NCKAP5L: variants seen among roughly 807,000 people sequenced by gnomAD.
The protein encoded by NCKAP5L is NCK associated protein 5 like.
Under a neutral mutation model 103.2 loss-of-function variants are expected in NCKAP5L, and 54 were observed. That is an observed-to-expected ratio of 0.52 (90% confidence interval 0.42 to 0.66). NCKAP5L has a LOEUF of 0.66. Ranked by LOEUF, NCKAP5L falls within the 30% of genes least tolerant of loss-of-function variation. The pLI, the probability that NCKAP5L is intolerant of heterozygous loss-of-function variation, is 0.00. For synonymous variants in NCKAP5L, 762 were observed against 748.6 expected (o/e 1.02, Z -0.29); for missense variants, 1,733 against 1,750.6 (o/e 0.99, Z 0.18).
intron 1 of NCKAP5L, among the ~76,000 whole-genome samples, chr12:49,807,945 C>T (rs1946198852): frequency 6.6e-6 from 1 of 152,192 alleles, no homozygotes; most frequent in Admixed American, 6.5e-5. Flanking sequence ...AAAAGGATAA[C>T]GCTAAGGACC....
At position 49,795,159 on chromosome 12, in the gene NCKAP5L, G is replaced by A; in HGVS notation, c.2701C>T (p.Gln901Ter). ...ACCTCGGCGCCAGGGGCTCGCTCCT[G>A]GCCCTGGAGCCGCAGCACGTTCTCC... Reference protein sequence around the residue: ...IEENVLRLQGQERAPGAEVKH... With the variant: ...IEENVLRLQG Residue 901 changes from glutamine to a stop codon, truncating the protein, a stop_gained, in exon 8 of 13, where the codon CAG becomes TAG. Transcript: ENST00000335999. LOFTEE classifies it high-confidence loss of function. 1.2e-6 allele frequency: 2 copies of A among 1,607,764 alleles called. No homozygotes were observed.
Position 49,794,793 on chromosome 12 carries a change from C to G in NCKAP5L, c.3067G>C (p.Asp1023His). The change falls in exon 8 of 13, where the codon GAC (aspartate) becomes CAC (histidine). Residue 1023 changes from aspartate to histidine, a missense_variant. By Grantham distance (81) the Asp-to-His change is moderately conservative. Coordinates refer to ENST00000335999, the MANE Select transcript of NCKAP5L (RefSeq NM_001037806.4). ...TTTAGCAGCTGCTGCATGAAGGTGTCTGCACCTTGGTACATGCCAGCCAGC... is the reference window on the plus strand; with the variant it reads ...TTTAGCAGCTGCTGCATGAAGGTGTGTGCACCTTGGTACATGCCAGCCAGC... ...GQLAGMYQGA[D>H]TFMQQLLNRV... 6.5e-7 allele frequency: 1 copy of G among 1,541,306 alleles called. No individual in the cohort carries two copies. The highest frequency in any genetic ancestry group is 8.7e-7 in the Non-Finnish European group (1 of 1,143,116).
chr12:49,797,488 AG>A lies in NCKAP5L; in HGVS notation c.466-95del. On this transcript the variant is annotated intron_variant, in intron 7 of 12. Transcript: ENST00000335999. This position sits in a 1 kb window ranked among gnomAD's most constrained non-coding sequence, Gnocchi z 4.5. ...CTGGGCTGGCTTAACAGGGAATGCCAGGAACAGAGCTGGCCTGGTTGTGTCT... is the reference window on the plus strand; with the variant it reads ...CTGGGCTGGCTTAACAGGGAATGCCAGAACAGAGCTGGCCTGGTTGTGTCT... 1 of 939,036 alleles carries A rather than the reference AG, an allele frequency of 1.1e-6. No individual in the cohort carries two copies. Among genetic ancestry groups the A allele is most frequent in the Non-Finnish European group, 1.6e-6 (1 of 632,710 alleles). 58.2% of individuals were successfully genotyped at this position (939,036 alleles called of 1,614,324 possible). A position where few individuals can be genotyped will look rare whatever the true frequency, so the allele number is the denominator to read the frequency against.
rs1272138190 is a variant in NCKAP5L, at chr12:49,798,463, T to A, written c.352A>T (p.Ile118Phe). The A allele has an allele frequency of 6.4e-7, 1 of 1,571,226 alleles. No individual in the cohort carries two copies. Among genetic ancestry groups the A allele is most frequent in the South Asian group, 1.2e-5 (1 of 85,566 alleles). ...GGTGGCTGGAGTGGAGTGAGTGGGA[T>A]CTGCAGAGGGAGAGGCAGAGTTAGC... ...LQLTTGSLPQIPLTPLQPPSE... is the reference protein window; with the variant it reads ...LQLTTGSLPQFPLTPLQPPSE... Residue 118 changes from isoleucine to phenylalanine, a missense_variant and splice_region_variant, in exon 7 of 13, where the codon ATC (isoleucine) becomes TTC (phenylalanine). Ile to Phe is a conservative substitution (Grantham distance 21). Coordinates refer to ENST00000335999, the MANE Select transcript of NCKAP5L (RefSeq NM_001037806.4).
rs1017923859 is a variant in NCKAP5L, at chr12:49,795,505, G to A, written c.2355C>T (p.Ala785=). ...VELAKSRLAG[A]LCPQVPRTPA... ...GGGTACGGGGTACCTGGGGGCACAG[G>A]GCCCCTGCCAGCCGGCTCTTGGCCA... Residue 785 remains alanine, a synonymous_variant, in exon 8 of 13, where the codon GCC becomes GCT. Coordinates refer to ENST00000335999, the MANE Select transcript of NCKAP5L (RefSeq NM_001037806.4). The A allele has an allele frequency of 5.2e-6, 8 of 1,531,766 alleles. No homozygotes were observed. In the African/African-American group the frequency reaches 1.1e-4, roughly 21 times the overall value. 94.9% of individuals were successfully genotyped at this position (1,531,766 alleles called of 1,614,324 possible).
In NCKAP5L at chr12:49,796,548, G is replaced by A. The variant is rs1313607318; in HGVS notation, c.1312C>T (p.Pro438Ser). The stretch of plus-strand genomic sequence containing the variant: ...CCCTGAGCTTCCCCAGGAGAAGGGG[G>A]GCCAATTTGGAGCTTGCTTTTCACC... Reference protein sequence around the residue: ...SQVKSKLQIGPPSPGEAQGPL... With the variant: ...SQVKSKLQIGSPSPGEAQGPL... Residue 438 changes from proline (P) to serine (S), a missense_variant, in exon 8 of 13, where the codon CCC (proline) becomes TCC (serine). Pro to Ser is a moderately conservative substitution (Grantham distance 74, BLOSUM62 -1). Transcript: ENST00000335999. The A allele has an allele frequency of 1.3e-6, 2 of 1,590,152 alleles. No homozygotes were observed. Among genetic ancestry groups the A allele is most frequent in the Non-Finnish European group, 1.7e-6 (2 of 1,170,128 alleles).
Position 49,795,149 on chromosome 12 carries a change from G to A in NCKAP5L, c.2711C>T (p.Ala904Val). 6.2e-7 allele frequency: 1 copy of A among 1,609,886 alleles called. No homozygotes were observed. The highest frequency in any genetic ancestry group is 8.5e-7 in the Non-Finnish European group (1 of 1,178,760). ...NVLRLQGQERAPGAEVKHRNT... is the reference protein window; with the variant it reads ...NVLRLQGQERVPGAEVKHRNT... ...GCGGTGCTTGACCTCGGCGCCAGGG[G>A]CTCGCTCCTGGCCCTGGAGCCGCAG... Residue 904 changes from alanine to valine, a missense_variant, in exon 8 of 13, where the codon GCC becomes GTC. Physicochemically the swap from Ala to Val is moderately conservative, Grantham distance 64. Transcript: ENST00000335999.
intron 6 of NCKAP5L, 98 bp downstream of exon 6, chr12:49,801,750 T>C: frequency 6.8e-7 from 1 of 1,465,784 alleles, no homozygotes; most frequent in South Asian, 1.2e-5. Context: ...GCTGATGGCC[T>C]GCTTCCCTAG....
chr12:49,804,676 A>C (rs765845927), intron 2 of NCKAP5L: 2 of 152,236 alleles, frequency 1.3e-5, no homozygotes, highest in African/African-American at 2.4e-5. Flanking sequence ...CTGGGTGAAC[A>C]TATGAAAACC....
chr12:49,811,285 G>C (rs1292859105), intron 1 of NCKAP5L, among the ~76,000 whole-genome samples: 1 of 152,156 alleles, frequency 6.6e-6, no homozygotes, highest in Non-Finnish European at 1.5e-5. Context: ...ATCCTGCCCA[G>C]CTCAAGTAAG....
At chr12:49,802,471 T>C (rs749749586) in intron 5 of NCKAP5L, 46 of 167,744 alleles carry the variant, frequency 2.7e-4, no homozygotes, top group Admixed American at 1.7e-3. Flanking sequence ...ATAGTCTTGA[T>C]CTCTTGACCT....
chr12:49,794,611 C>CCCCG (rs372434043), intron 8 of NCKAP5L, among the ~76,000 whole-genome samples, 154 bp downstream of exon 8: 29 of 120,090 alleles, frequency 2.4e-4, no homozygotes, highest in Non-Finnish European at 4.5e-4. Flanking sequence ...ACTGACCCCC[C>CCCCG]CACCAGCTGC....
chr12:49,802,012 T>TG, intron 5 of NCKAP5L, 45 bp from the exon 6 acceptor site: 1 of 1,607,188 alleles, frequency 6.2e-7, no homozygotes, highest in East Asian at 2.2e-5. Context: ...GTGAGGATGG[T>TG]GGGAGAGTGT....
chr12:49,812,563 TA>T (rs1946253060), intron 1 of NCKAP5L, among the ~76,000 whole-genome samples: 1 of 152,108 alleles, frequency 6.6e-6, no homozygotes, highest in Non-Finnish European at 1.5e-5. Context: ...TTTGTATTTT[TA>T]GTAGAGACGG....
intron 1 of NCKAP5L, among the ~76,000 whole-genome samples, chr12:49,811,713 C>T (rs557277315): frequency 8.9e-4 from 135 of 152,120 alleles, no homozygotes; most frequent in Non-Finnish European, 1.6e-3. Flanking sequence ...GAGTCTGCAG[C>T]GAGCTATGAC....
intron 1 of NCKAP5L, among the ~76,000 whole-genome samples, chr12:49,824,450 G>A (rs1946394712): frequency 6.6e-6 from 1 of 152,204 alleles, no homozygotes; most frequent in African/African-American, 2.4e-5. Context: ...TGCATCCTTG[G>A]TATTGATCCT....
At position 49,801,494 on chromosome 12, in the gene NCKAP5L, A is replaced by G. The variant is rs1077499; in HGVS notation, c.351+354T>C. On this transcript the variant is annotated intron_variant, in intron 6 of 12. Transcript: ENST00000335999. ...TGTGACACCATACCCTAGGCTGCCTAACACCCAGCCCTACCCCTGTGCCCG... is the reference window on the plus strand; with the variant it reads ...TGTGACACCATACCCTAGGCTGCCTGACACCCAGCCCTACCCCTGTGCCCG... Among the ~76,000 whole-genome samples the G allele has an allele frequency of 2.7e-4, 41 of 152,072 alleles. No individual in the cohort carries two copies. The South Asian group carries it at 7.3e-3, about 27-fold the overall frequency.
At chr12:49,801,408 G>A (rs1196398726) in intron 6 of NCKAP5L, among the ~76,000 whole-genome samples, 1 of 152,126 alleles carries the variant, frequency 6.6e-6, no homozygotes, top group Non-Finnish European at 1.5e-5. Context: ...AGGTGTCAGG[G>A]CTCCCAGCAG....
rs756101232 is a variant in NCKAP5L at position 49,798,477 on chromosome 12, G to A, written c.352-14C>T. ...AGTGAGTGGGATCTGCAGAGGGAGA[G>A]GCAGAGTTAGCACAGTAGCTGTCTG... On this transcript the variant is annotated splice_polypyrimidine_tract_variant and intron_variant, in intron 6 of 12. Coordinates refer to ENST00000335999, the MANE Select transcript of NCKAP5L (RefSeq NM_001037806.4). 35 of 1,555,578 alleles carry A rather than the reference G, an allele frequency of 2.2e-5. 1 individual carries two copies. The highest frequency in any genetic ancestry group is 2.8e-5 in the Non-Finnish European group (32 of 1,147,124).
Sources: gnomAD v4.1 joint callset for allele counts (sites outside exome capture counted in the v4.1 genomes callset) on GRCh38, gnomAD v4.1.1 for gene constraint, Gnocchi (gnomAD v3.1) non-coding constraint, MANE v1.5 for transcripts, NCBI Gene and HGNC (gene_info 2026-07-23, HGNC 2026-07-21) for gene names.